ATAD5: variants seen among roughly 807,000 people sequenced by gnomAD.
ATAD5 encodes the protein ATPase family AAA domain containing 5.
ATAD5 carries 58 observed loss-of-function variants against 176.9 expected under a neutral mutation model. The ratio of observed to expected loss-of-function variants is 0.33; its 90% CI spans 0.27 to 0.41. The LOEUF (loss-of-function observed/expected upper bound fraction) is 0.41, where lower values mean the gene tolerates loss of function less well. Ranked by LOEUF, ATAD5 falls within the 10% of genes least tolerant of loss-of-function variation. ATAD5 has a pLI of 1.00. For synonymous variants in ATAD5, 640 were observed against 712.6 expected, an observed-to-expected ratio of 0.90 and a Z score of 1.62; for missense variants, 1,789 against 2,094.1, an observed-to-expected ratio of 0.85 and a Z score of 2.84.
intron 18 of ATAD5, among the ~76,000 whole-genome samples, chr17:30,886,705 T>G (rs961648331): frequency 2.0e-5 from 3 of 151,328 alleles, no homozygotes; most frequent in Non-Finnish European, 4.4e-5. Context: ...GCCAGGAGTT[T>G]GAGACCAGCC....
intron 17 of ATAD5, 54 bp downstream of exon 17, chr17:30,878,150 T>A: frequency 7.0e-6 from 8 of 1,149,924 alleles, no homozygotes; most frequent in African/African-American, 1.6e-5. Context: ...CTGTAGTTCA[T>A]CTGCAGACTG....
In ATAD5 at chr17:30,893,520, A is replaced by G; in HGVS notation, c.4667A>G (p.Gln1556Arg). The part of the protein sequence containing the change: ...CLARKHSERE[Q>R]PLKKSQKKKQ... ...GCTAGGAAACACTCTGAAAGAGAAC[A>G]GCCATTGAAAAAGTCCCAGAAAAAG... The change falls in exon 21 of 23, where the codon CAG (glutamine) becomes CGG (arginine). Residue 1556 changes from glutamine to arginine, a missense_variant. Physicochemically the swap from Gln to Arg is conservative, Grantham distance 43. Around this residue, in one of 6 missense-constraint regions of ATAD5, gnomAD observed 403 missense variants for 495.1 expected, o/e 0.81. Coordinates refer to ENST00000321990, the MANE Select transcript of ATAD5 (RefSeq NM_024857.5). The G allele has an allele frequency of 1.2e-6, 2 of 1,612,012 alleles. No individual in the cohort carries two copies. Among genetic ancestry groups the G allele is most frequent in the Non-Finnish European group, 1.7e-6 (2 of 1,179,444 alleles).
At chr17:30,891,583 G>C (rs1909640394) in intron 19 of ATAD5, among the ~76,000 whole-genome samples, 1 of 152,058 alleles carries the variant, frequency 6.6e-6, no homozygotes, top group African/African-American at 2.4e-5. Flanking sequence ...ATATTGGCCA[G>C]GCTGGTCTCG....
intron 1 of ATAD5, among the ~76,000 whole-genome samples, chr17:30,833,220 T>C (rs1268178376): frequency 6.6e-6 from 1 of 152,174 alleles, no homozygotes; most frequent in Admixed American, 6.6e-5. Flanking sequence ...TATGCTGATA[T>C]TCCTTTGCTA....
At position 30,893,444 on chromosome 17, in the gene ATAD5, C is replaced by T. The variant is rs376246372; in HGVS notation, c.4591C>T (p.Pro1531Ser). 6.8e-6 allele frequency: 11 copies of T among 1,613,380 alleles called. No homozygotes were observed. In the African/African-American group the frequency reaches 1.3e-4, roughly 20 times the overall value. Residue 1531 changes from proline (P) to serine (S), a missense_variant, in exon 21 of 23, where the codon CCA (proline) becomes TCA (serine). Physicochemically the swap from Pro to Ser is moderately conservative, Grantham distance 74. Coordinates refer to ENST00000321990, the MANE Select transcript of ATAD5 (RefSeq NM_024857.5). ...TIPETKNFCGPSVTVDASAAT... is the reference protein window; with the variant it reads ...TIPETKNFCGSSVTVDASAAT... ...TCCAGAAACTAAAAACTTTTGTGGC[C>T]CATCAGTAACTGTGGATGCCAGTGC...
In ATAD5 at chr17:30,860,513, C is replaced by T. The variant is rs1217278936; in HGVS notation, c.3037C>T (p.Pro1013Ser). 6.3e-7 allele frequency: 1 copy of T among 1,599,406 alleles called. No homozygotes were observed. The highest frequency in any genetic ancestry group is 8.5e-7 in the Non-Finnish European group (1 of 1,176,886). Residue 1013 changes from proline to serine, a missense_variant, in exon 10 of 23, where the codon CCA becomes TCA. Around this residue, in one of 6 missense-constraint regions of ATAD5, gnomAD observed 487 missense variants for 573.6 expected, o/e 0.85. Coordinates refer to ENST00000321990, the MANE Select transcript of ATAD5 (RefSeq NM_024857.5). ...AAATTCTAAGTCAAAAAGAAAGAAACCAAATGAGTATTCAAAAAATCTGGA... is the reference window on the plus strand; with the variant it reads ...AAATTCTAAGTCAAAAAGAAAGAAATCAAATGAGTATTCAAAAAATCTGGA... ...AENSKSKRKKPNEYSKNLEKT... is the reference protein window; with the variant it reads ...AENSKSKRKKSNEYSKNLEKT...
At chr17:30,876,283 T>C (rs1908670894) in intron 14 of ATAD5, 91 bp from the exon 15 acceptor site, 1 of 1,140,252 alleles carries the variant, frequency 8.8e-7, no homozygotes, top group Non-Finnish European at 1.2e-6. Flanking sequence ...TTTTAACTGT[T>C]AAGAGTAGAA....
At chr17:30,856,813 T>G in intron 7 of ATAD5, 142 bp from the exon 8 acceptor site, 1 of 649,922 alleles carries the variant, frequency 1.5e-6, no homozygotes, top group Non-Finnish European at 2.3e-6. Flanking sequence ...GGTAGGATTT[T>G]GTTCCCTTTA....
chr17:30,865,814 G>A lies in ATAD5; in HGVS notation c.3233+14G>A, dbSNP rs1040243229. The A allele has an allele frequency of 2.8e-6, 4 of 1,452,900 alleles. No homozygotes were observed. The highest frequency in any genetic ancestry group is 4.5e-5 in the Admixed American group (2 of 44,202). 90.0% of individuals were successfully genotyped at this position (1,452,900 alleles called of 1,614,324 possible). ...AAAGTTACATAGGTTGGTAAAATGT[G>A]TAAGGAATTGAGAAATAGTTTACAA... is the stretch of plus-strand genomic sequence containing the variant. On this transcript the variant is annotated intron_variant, in intron 11 of 22. Transcript: ENST00000321990.
In ATAD5 at chr17:30,860,586, C is replaced by A; in HGVS notation, c.3110C>A (p.Ser1037Tyr). Residue 1037 changes from serine to tyrosine, a missense_variant, in exon 10 of 23, where the codon TCT (serine) becomes TAT (tyrosine). By Grantham distance (144) the Ser-to-Tyr change is moderately radical. This residue lies in a region of ATAD5 where 487 missense variants were observed against 573.6 expected (regional missense o/e 0.85). Coordinates refer to ENST00000321990, the MANE Select transcript of ATAD5 (RefSeq NM_024857.5). ...GAACTTAGCAAAAGAAACAACTCTT[C>A]TGGGATAAAGCTAGATTCTTCCAAA... is the stretch of plus-strand genomic sequence containing the variant. ...SEELSKRNNSSGIKLDSSKDS... is the reference protein window; with the variant it reads ...SEELSKRNNSYGIKLDSSKDS... The A allele has an allele frequency of 6.3e-7, 1 of 1,578,444 alleles. No individual in the cohort carries two copies. The highest frequency in any genetic ancestry group is 8.5e-7 in the Non-Finnish European group (1 of 1,171,548).
chr17:30,860,331 G>A, intron 9 of ATAD5, 102 bp from the exon 10 acceptor site: 1 of 1,359,542 alleles, frequency 7.4e-7, no homozygotes, highest in Non-Finnish European at 1.0e-6. Context: ...GATTGCCTTT[G>A]CATTTTAAAG....
chr17:30,857,215 G>A, intron 8 of ATAD5, 103 bp downstream of exon 8: 1 of 1,312,624 alleles, frequency 7.6e-7, no homozygotes. Flanking sequence ...TGTTGTCCTA[G>A]AGTTTAATTT....
At chr17:30,837,833 T>C (rs1205995862) in intron 3 of ATAD5, among the ~76,000 whole-genome samples, 3 of 152,192 alleles carry the variant, frequency 2.0e-5, no homozygotes, top group Admixed American at 2.0e-4. Context: ...TACCATTACA[T>C]AGTGGGTTAG....
rs1905661537 is a variant in ATAD5 at position 30,835,437 on chromosome 17, C to T, written c.1356C>T (p.Ile452=). The T allele has an allele frequency of 4.3e-6, 7 of 1,611,506 alleles. No individual in the cohort carries two copies. The Admixed American group carries it at 8.4e-5, about 19-fold the overall frequency. The part of the protein sequence containing the change: ...NSKKIMENSG[I]QMVSKNGNLQ... ...AAAAAATCATGGAAAATTCTGGTAT[C>T]CAAATGGTTTCAAAAAATGGCAATT... The change falls in exon 2 of 23, where the codon ATC becomes ATT. Residue 452 remains isoleucine (I), a synonymous_variant. Coordinates refer to ENST00000321990, the MANE Select transcript of ATAD5 (RefSeq NM_024857.5).
At chr17:30,875,549 C>T (rs550211364) in intron 14 of ATAD5, among the ~76,000 whole-genome samples, 17 of 152,176 alleles carry the variant, frequency 1.1e-4, no homozygotes, top group African/African-American at 4.1e-4. Context: ...GTAATCCTAG[C>T]ACTTTAGGAG....
chr17:30,883,063 A>G (rs1210949267), intron 18 of ATAD5, among the ~76,000 whole-genome samples: 3 of 151,788 alleles, frequency 2.0e-5, no homozygotes, highest in Non-Finnish European at 4.4e-5. Flanking sequence ...CTTATTATCT[A>G]TTTTTAAAAT....
At chr17:30,883,068 T>C (rs1909114888) in intron 18 of ATAD5, among the ~76,000 whole-genome samples, 1 of 152,128 alleles carries the variant, frequency 6.6e-6, no homozygotes, top group Non-Finnish European at 1.5e-5. Flanking sequence ...TATCTATTTT[T>C]AAAATGTGGC....
intron 18 of ATAD5, among the ~76,000 whole-genome samples, chr17:30,885,704 G>A (rs1199180579): frequency 6.8e-6 from 1 of 146,044 alleles, no homozygotes; most frequent in Non-Finnish European, 1.5e-5. Context: ...GGCAATTTCG[G>A]CTCACTGCAA....
intron 4 of ATAD5, among the ~76,000 whole-genome samples, chr17:30,843,161 G>T (rs1906238813): frequency 6.6e-6 from 1 of 151,876 alleles, no homozygotes. Context: ...AGACCAGCCT[G>T]GTCAACATAG....
Sources: allele counts gnomAD v4.1 joint callset (sites outside exome capture counted in the v4.1 genomes callset), GRCh38; gene constraint gnomAD v4.1.1; regional missense constraint gnomAD v4.1.1; transcripts MANE v1.5; gene names NCBI Gene and HGNC (gene_info 2026-07-23, HGNC 2026-07-21).